Variants in GRID2 observed in about 807,000 individuals in gnomAD.
The protein encoded by GRID2 is glutamate receptor ionotropic, delta-2.
A neutral mutation model predicts 114.8 loss-of-function variants in GRID2; 33 were observed. That is an observed-to-expected ratio of 0.29 (90% CI 0.22 to 0.38). The LOEUF is 0.38. GRID2 is among the 10% of genes least tolerant of loss of function. GRID2 has a pLI of 1.00. For missense variants in GRID2, 1,184 were observed against 1,257.7 expected (o/e 0.94, Z 0.89); for synonymous variants, 505 against 449.9 (o/e 1.12, Z -1.55).
At chr4:93,751,379 G>A (rs1034224797) in intron 14 of GRID2, among the ~76,000 whole-genome samples, 8 of 152,078 alleles carry the variant, frequency 5.3e-5, no homozygotes, top group Non-Finnish European at 1.0e-4. Context: ...AAGTTAATTG[G>A]TGTTGCTTTT....
chr4:92,431,325 T>G (rs368527903), intron 1 of GRID2, among the ~76,000 whole-genome samples: 5 of 152,198 alleles, frequency 3.3e-5, no homozygotes, highest in African/African-American at 1.2e-4. Flanking sequence ...GGATGTTGAA[T>G]TTTATCAAAC....
At chr4:92,610,111 G>T (rs2149227549) in intron 2 of GRID2, among the ~76,000 whole-genome samples, 1 of 151,786 alleles carries the variant, frequency 6.6e-6, no homozygotes. Flanking sequence ...GAGGGCCAAT[G>T]GAATGTGAAC....
At chr4:92,417,871 T>A (rs948130439) in intron 1 of GRID2, among the ~76,000 whole-genome samples, 10 of 152,112 alleles carry the variant, frequency 6.6e-5, no homozygotes, top group Non-Finnish European at 1.3e-4. Context: ...TCTCATGCGA[T>A]CTGACGGTTT....
intron 1 of GRID2, among the ~76,000 whole-genome samples, chr4:92,319,919 T>C (rs1251942542): frequency 6.6e-6 from 1 of 152,224 alleles, no homozygotes; most frequent in Admixed American, 6.5e-5. Context: ...GTAAATATGC[T>C]TATTGAACTC....
chr4:93,111,783 A>C (rs1253897017), intron 4 of GRID2, among the ~76,000 whole-genome samples: 1 of 124,512 alleles, frequency 8.0e-6, no homozygotes, highest in South Asian at 2.4e-4. Context: ...TTTCACTATT[A>C]TGCTTCTGTT....
At chr4:92,754,441 G>C (rs747694237) in intron 2 of GRID2, among the ~76,000 whole-genome samples, 1 of 152,030 alleles carries the variant, frequency 6.6e-6, no homozygotes, top group Non-Finnish European at 1.5e-5. Context: ...ATAAACTATA[G>C]GATCAAAACT....
chr4:92,624,902 A>C (rs962368177), intron 2 of GRID2, among the ~76,000 whole-genome samples: 2 of 151,852 alleles, frequency 1.3e-5, no homozygotes, highest in Admixed American at 6.6e-5. Flanking sequence ...AGAAGAATTC[A>C]GTTTGATAAA....
intron 3 of GRID2, among the ~76,000 whole-genome samples, chr4:93,098,505 A>G (rs1731422191): frequency 1.3e-5 from 2 of 152,022 alleles, no homozygotes; most frequent in Admixed American, 1.3e-4. Context: ...AGAAAGTTAT[A>G]AGAGGAGGTG....
At chr4:93,144,472 A>T (rs28392586) in intron 4 of GRID2, among the ~76,000 whole-genome samples, 1 of 151,972 alleles carries the variant, frequency 6.6e-6, no homozygotes, top group African/African-American at 2.4e-5. Context: ...AAATAACTGC[A>T]GTCCATAAGG....
chr4:92,929,009 C>G lies in GRID2; in HGVS notation c.245-155986C>G, dbSNP rs193202165. On this transcript the variant is annotated intron_variant, in intron 2 of 15. Transcript: ENST00000282020. The stretch of plus-strand genomic sequence containing the variant: ...AACTGTTCTAAGTAGGCATTGAATT[C>G]AACATATTCATTTTGCTTAGGATTA... Among the ~76,000 whole-genome samples the G allele has an allele frequency of 4.3e-3, 653 of 151,436 alleles. 4 individuals carry two copies. The highest frequency in any genetic ancestry group is 5.8e-3 in the Non-Finnish European group (393 of 67,558).
intron 2 of GRID2, among the ~76,000 whole-genome samples, chr4:92,880,294 A>C (rs1227740541): frequency 2.0e-5 from 3 of 152,140 alleles, no homozygotes; most frequent in Non-Finnish European, 4.4e-5. Context: ...GAGGGGCTTT[A>C]TTTTCCTGTA....
At chr4:93,237,810 A>G (rs537624255) in intron 7 of GRID2, among the ~76,000 whole-genome samples, 14 of 152,026 alleles carry the variant, frequency 9.2e-5, no homozygotes, top group East Asian at 7.7e-4. Flanking sequence ...GAGCAAAAAC[A>G]GATTTCAAGC....
intron 1 of GRID2, among the ~76,000 whole-genome samples, chr4:92,485,149 G>T (rs1210615983): frequency 1.3e-5 from 2 of 150,912 alleles, no homozygotes. Context: ...ATTTAGGCTG[G>T]ATGAAGCATC....
chr4:93,357,410 G>T (rs1391015369), intron 8 of GRID2, among the ~76,000 whole-genome samples: 3 of 151,058 alleles, frequency 2.0e-5, no homozygotes, highest in Non-Finnish European at 4.4e-5. Flanking sequence ...TGTCATATAT[G>T]TTGAAAATAT....
intron 1 of GRID2, among the ~76,000 whole-genome samples, chr4:92,547,499 A>T (rs528281034): frequency 6.6e-6 from 1 of 152,310 alleles, no homozygotes; most frequent in South Asian, 2.1e-4. Context: ...GTGAACAAAC[A>T]AAGGGAAGCT....
chr4:93,060,593 T>A (rs984927586), intron 2 of GRID2, among the ~76,000 whole-genome samples: 5 of 152,202 alleles, frequency 3.3e-5, no homozygotes, highest in African/African-American at 1.2e-4. Flanking sequence ...TAAGTGCTCA[T>A]AGAAATAGCC....
At chr4:93,392,703 A>G (rs1764968916) in intron 8 of GRID2, among the ~76,000 whole-genome samples, 1 of 152,000 alleles carries the variant, frequency 6.6e-6, no homozygotes, top group Non-Finnish European at 1.5e-5. Context: ...ACACTTAACA[A>G]TTCTGAGTCT....
intron 2 of GRID2, among the ~76,000 whole-genome samples, chr4:92,903,365 A>T (rs141186187): frequency 6.6e-6 from 1 of 151,928 alleles, no homozygotes; most frequent in African/African-American, 2.4e-5. Context: ...TTAATATCCA[A>T]TGCTCCTAGA....
chr4:92,805,760 A>T (rs918719847), intron 2 of GRID2, among the ~76,000 whole-genome samples: 1 of 151,894 alleles, frequency 6.6e-6, no homozygotes, highest in Non-Finnish European at 1.5e-5. Flanking sequence ...TTGACATTGC[A>T]CTCTCCAGCC....
Sources: allele counts gnomAD v4.1 joint callset (sites outside exome capture counted in the v4.1 genomes callset), GRCh38; gene constraint gnomAD v4.1.1; transcripts MANE v1.5; gene names NCBI Gene and HGNC (gene_info 2026-07-23, HGNC 2026-07-21).